The following CNBD1 variants were observed in gnomAD, a reference collection of about 807,000 sequenced individuals.
The protein encoded by CNBD1 is cyclic nucleotide-binding domain-containing protein 1.
In CNBD1, 71 loss-of-function variants were observed where a neutral mutation model predicts 54.4. The ratio of observed to expected loss-of-function variants is 1.30; its 90% CI spans 1.08 to 1.59. The LOEUF (loss-of-function observed/expected upper bound fraction) is 1.59. Ranked by LOEUF, CNBD1 falls within the 40% of genes most tolerant of loss-of-function variation. The pLI, the probability that CNBD1 is intolerant of heterozygous loss-of-function variation, is 0.00. For missense variants in CNBD1, 659 were observed against 518.0 expected (o/e 1.27, Z -2.64); for synonymous variants, 182 against 170.7 (o/e 1.07, Z -0.51).
At chr8:87,426,443 CA>C (rs1808052533) in intron 2 of CNBD1, among the ~76,000 whole-genome samples, 1 of 152,150 alleles carries the variant, frequency 6.6e-6, no homozygotes, top group Non-Finnish European at 1.5e-5. Context: ...TTTATTATGA[CA>C]AAATGATGTT....
At chr8:87,325,840 G>T (rs1586015021) in intron 8 of CNBD1, among the ~76,000 whole-genome samples, 1 of 146,806 alleles carries the variant, frequency 6.8e-6, no homozygotes, top group Admixed American at 6.8e-5. Flanking sequence ...ATCTGATCCT[G>T]TCATTATGAT....
chr8:87,150,599 C>A (rs946622828), intron 4 of CNBD1, among the ~76,000 whole-genome samples: 1 of 152,034 alleles, frequency 6.6e-6, no homozygotes, highest in Non-Finnish European at 1.5e-5. Context: ...TAATAGAGGT[C>A]AAAATTATTG....
intron 6 of CNBD1, among the ~76,000 whole-genome samples, chr8:87,277,350 C>A (rs1386579927): frequency 6.6e-6 from 1 of 151,678 alleles, no homozygotes; most frequent in Non-Finnish European, 1.5e-5. Context: ...GTATGGAGGG[C>A]AATCTGATTT....
chr8:87,306,033 T>A (rs148379587), intron 8 of CNBD1, among the ~76,000 whole-genome samples: 3,057 of 152,138 alleles, frequency 0.02, 44 homozygotes, highest in Non-Finnish European at 0.029. Context: ...ATCCAGAATC[T>A]ACAACAAACT....
intron 3 of CNBD1, among the ~76,000 whole-genome samples, chr8:86,933,639 G>A (rs779170997): frequency 3.3e-5 from 5 of 152,110 alleles, no homozygotes; most frequent in East Asian, 1.9e-4. Context: ...TGGAATGAGG[G>A]ACATGTCACC....
intron 10 of CNBD1, among the ~76,000 whole-genome samples, chr8:87,368,696 G>C (rs535174039): frequency 6.6e-6 from 1 of 152,038 alleles, no homozygotes; most frequent in South Asian, 2.1e-4. Context: ...GATAGCACCT[G>C]CTTCTATTAG....
intron 4 of CNBD1, among the ~76,000 whole-genome samples, chr8:87,055,883 T>TTTCCTTCCTTCC (rs71277912): frequency 8.6e-4 from 80 of 92,962 alleles, no homozygotes; most frequent in East Asian, 2.9e-3. Context: ...CTGCTTGACC[T>TTTCCTTCCTTCC]TTCCTTCCTT....
intron 4 of CNBD1, among the ~76,000 whole-genome samples, chr8:87,011,324 C>G (rs1221761141): frequency 2.6e-5 from 4 of 151,952 alleles, no homozygotes; most frequent in African/African-American, 9.7e-5. Context: ...GCTTATTAAT[C>G]ATCAAATGCC....
At chr8:87,311,692 A>G (rs1809269682) in intron 8 of CNBD1, among the ~76,000 whole-genome samples, 1 of 152,154 alleles carries the variant, frequency 6.6e-6, no homozygotes, top group Non-Finnish European at 1.5e-5. Context: ...TATGAAATCA[A>G]TGTAGTTCCC....
At chr8:87,343,625 G>A (rs997591423) in intron 8 of CNBD1, among the ~76,000 whole-genome samples, 1 of 152,264 alleles carries the variant, frequency 6.6e-6, no homozygotes, top group East Asian at 1.9e-4. Context: ...GGAGCAGAGA[G>A]CTTTTGTACA....
At chr8:86,972,565 A>G (rs1271190376) in intron 4 of CNBD1, among the ~76,000 whole-genome samples, 1 of 152,222 alleles carries the variant, frequency 6.6e-6, no homozygotes, top group Non-Finnish European at 1.5e-5. Context: ...GAGATAGTGC[A>G]TATGAAGTAC....
intron 4 of CNBD1, among the ~76,000 whole-genome samples, chr8:87,043,016 G>A (rs1174327308): frequency 6.6e-6 from 1 of 152,176 alleles, no homozygotes; most frequent in Non-Finnish European, 1.5e-5. Context: ...CAAGACAGCT[G>A]TAGGTAAGGA....
In CNBD1 at chr8:87,111,640, G is replaced by A. The variant is rs569759732; in HGVS notation, c.432-94353G>A. 2.6e-5 allele frequency among the ~76,000 whole-genome samples: 4 copies of A among 152,158 alleles called. No homozygotes were observed. In the East Asian group the frequency reaches 7.7e-4, roughly 29 times the overall value. On this transcript the variant is annotated intron_variant, in intron 4 of 10. Coordinates refer to ENST00000518476, the MANE Select transcript of CNBD1 (RefSeq NM_173538.3). ...GGAAAGGGATTGACTTTCCATTGAG[G>A]AAGCTGGTCAGCCTTTTGTTTATTT...
At chr8:87,204,383 A>G (rs898920290) in intron 4 of CNBD1, among the ~76,000 whole-genome samples, 2 of 152,182 alleles carry the variant, frequency 1.3e-5, no homozygotes, top group Non-Finnish European at 2.9e-5. Flanking sequence ...GGGAAGGCCA[A>G]ACTATTTCAT....
intron 4 of CNBD1, among the ~76,000 whole-genome samples, chr8:86,964,299 A>G (rs1043164635): frequency 6.6e-6 from 1 of 151,994 alleles, no homozygotes; most frequent in African/African-American, 2.4e-5. Context: ...TTCCTTTTCC[A>G]TTCTCCCGTT....
intron 4 of CNBD1, among the ~76,000 whole-genome samples, chr8:87,113,923 A>T (rs1811718038): frequency 6.6e-6 from 1 of 152,106 alleles, no homozygotes; most frequent in Admixed American, 6.5e-5. Context: ...TCTCAAAAAA[A>T]AAAAGAAAAG....
chr8:87,420,371 G>T lies in CNBD1; in HGVS notation c.214-8175G>T, dbSNP rs550193490. Reference sequence around the variant, plus strand: ...TTCAGCTGTCCTCCTGAGGTCTCTCGGAAGGTACAAAGAAAAGGAAACAAT... The same window carrying T: ...TTCAGCTGTCCTCCTGAGGTCTCTCTGAAGGTACAAAGAAAAGGAAACAAT... On this transcript the variant is annotated intron_variant, in intron 2 of 7. Coordinates refer to the CNBD1 transcript ENST00000521593. 6.6e-4 allele frequency among the ~76,000 whole-genome samples: 101 copies of T among 152,034 alleles called. 1 individual carries two copies. The South Asian group carries it at 0.02, about 30-fold the overall frequency.
intron 4 of CNBD1, among the ~76,000 whole-genome samples, chr8:87,098,109 AAAAC>A (rs1268311141): frequency 1.3e-5 from 2 of 152,230 alleles, no homozygotes; most frequent in Non-Finnish European, 1.5e-5. Context: ...AAGAATTTCT[AAAAC>A]AAAGTTACAT....
chr8:86,998,269 C>T (rs1808921433), intron 4 of CNBD1, among the ~76,000 whole-genome samples: 2 of 151,694 alleles, frequency 1.3e-5, no homozygotes, highest in African/African-American at 4.8e-5. Context: ...CTGGCAACAC[C>T]ATAATTCATG....
Sources: gnomAD v4.1 joint callset for allele counts (sites outside exome capture counted in the v4.1 genomes callset) on GRCh38, gnomAD v4.1.1 for gene constraint, MANE v1.5 for transcripts, NCBI Gene and HGNC (gene_info 2026-07-23, HGNC 2026-07-21) for gene names.